TERF1: variants seen among roughly 807,000 people sequenced by gnomAD.
TERF1 encodes telomeric repeat-binding factor 1.
Under a neutral mutation model 55.1 loss-of-function variants are expected in TERF1, and 20 were observed. The ratio of observed to expected loss-of-function variants is 0.36; its 90% CI spans 0.26 to 0.53. TERF1 has a LOEUF of 0.53. Among genes scored for constraint, TERF1 ranks in the 20% least tolerant of loss-of-function variants. The pLI is 0.91. For missense variants in TERF1, 439 were observed against 535.7 expected (o/e 0.82, Z 1.78); for synonymous variants, 168 against 181.2 (o/e 0.93, Z 0.59).
chr8:73,045,935 A>G, intron 9 of TERF1, 26 bp from the exon 10 acceptor site: 5 of 1,467,278 alleles, frequency 3.4e-6, no homozygotes, highest in Non-Finnish European at 4.5e-6. Context: ...GTTTCTGTAA[A>G]TAACTGTTTT....
chr8:73,043,630 T>G (rs1809919272), intron 9 of TERF1, among the ~76,000 whole-genome samples: 1 of 152,210 alleles, frequency 6.6e-6, no homozygotes, highest in Non-Finnish European at 1.5e-5. Context: ...GTTTTGGCAG[T>G]GGCTTGCTGT....
intron 8 of TERF1, among the ~76,000 whole-genome samples, chr8:73,036,629 CAA>C (rs1260163776): frequency 2.0e-5 from 3 of 151,600 alleles, no homozygotes; most frequent in African/African-American, 7.3e-5. Context: ...CCAGAATTCT[CAA>C]ATGCTCAAGT....
intron 8 of TERF1, among the ~76,000 whole-genome samples, chr8:73,034,480 G>A (rs1809426348): frequency 6.6e-6 from 1 of 152,084 alleles, no homozygotes; most frequent in South Asian, 2.1e-4. Flanking sequence ...GCCCCTGCAG[G>A]TCTCTAACTC....
At chr8:73,029,683 T>C (rs1039586215) in intron 6 of TERF1, among the ~76,000 whole-genome samples, 2 of 152,216 alleles carry the variant, frequency 1.3e-5, no homozygotes, top group Non-Finnish European at 2.9e-5. Flanking sequence ...TCTAGATTAC[T>C]TAAAATATCT....
intron 8 of TERF1, among the ~76,000 whole-genome samples, chr8:73,036,664 CTT>C (rs1247619290): frequency 6.6e-6 from 1 of 151,630 alleles, no homozygotes; most frequent in East Asian, 1.9e-4. Flanking sequence ...ATGGCATAGT[CTT>C]TGCATATAGA....
intron 1 of TERF1, chr8:73,010,764 G>T (rs1466332953): frequency 2.0e-5 from 3 of 152,154 alleles, no homozygotes; most frequent in African/African-American, 4.8e-5. Context: ...AAAGAAGATT[G>T]GTTATTTCAC....
rs1295525921 is a variant in TERF1 at position 73,008,865 on chromosome 8, G to A, written c.-22G>A. 3.2e-6 allele frequency: 5 copies of A among 1,585,848 alleles called. No homozygotes were observed. The highest frequency in any genetic ancestry group is 2.7e-5 in the African/African-American group (2 of 74,700). On this transcript the variant is annotated 5_prime_UTR_variant, in exon 1 of 10. Coordinates refer to ENST00000276603, the MANE Select transcript of TERF1 (RefSeq NM_017489.3). ...TCGTTGCTCGGCGCCTGAAGGGGCA[G>A]TACCCAAGCGAGCCATTTAACATGG...
At chr8:73,019,511 A>G (rs1005719483) in intron 2 of TERF1, among the ~76,000 whole-genome samples, 3 of 152,172 alleles carry the variant, frequency 2.0e-5, no homozygotes, top group Non-Finnish European at 4.4e-5. Context: ...TTCTAAGAGT[A>G]TGCATCCAAC....
chr8:73,032,499 A>T (rs897918963), intron 8 of TERF1, among the ~76,000 whole-genome samples: 1 of 152,098 alleles, frequency 6.6e-6, no homozygotes, highest in Non-Finnish European at 1.5e-5. Context: ...GTGGCACTTG[A>T]TATTGGCATT....
rs918239028 is a variant in TERF1 at position 73,020,688 on chromosome 8, A to C, written c.420A>C (p.Ala140=). The C allele has an allele frequency of 6.3e-7, 1 of 1,592,712 alleles. No homozygotes were observed. The highest frequency in any genetic ancestry group is 1.8e-5 in the Admixed American group (1 of 55,244). The change falls in exon 3 of 10, where the codon GCA becomes GCC. Residue 140 remains alanine (A), a synonymous_variant. Transcript: ENST00000276603. The part of the protein sequence containing the change: ...TRIAAGKTLD[A]QFENDERITP... ...TTTTTGTTCTGTTTTTAAAAGATGC[A>C]CAGTTTGAAAATGATGAACGAATTA...
At chr8:73,042,384 T>C (rs1462079422) in intron 9 of TERF1, among the ~76,000 whole-genome samples, 1 of 152,206 alleles carries the variant, frequency 6.6e-6, no homozygotes, top group Non-Finnish European at 1.5e-5. Context: ...TTTTTTAGCT[T>C]TCCGTTGTTG....
intron 9 of TERF1, among the ~76,000 whole-genome samples, chr8:73,041,884 C>G (rs1183436554): frequency 6.6e-6 from 1 of 152,120 alleles, no homozygotes; most frequent in Non-Finnish European, 1.5e-5. Flanking sequence ...CACGGATCCT[C>G]CATCAGTTCC....
chr8:73,028,979 C>T (rs1809157349), intron 6 of TERF1, among the ~76,000 whole-genome samples: 2 of 152,122 alleles, frequency 1.3e-5, no homozygotes, highest in Admixed American at 6.6e-5. Flanking sequence ...ACTTGCTGTA[C>T]ACTAGTTACA....
chr8:73,018,019 A>G (rs879901930), intron 2 of TERF1, among the ~76,000 whole-genome samples: 7 of 152,090 alleles, frequency 4.6e-5, no homozygotes, highest in Non-Finnish European at 7.4e-5. Flanking sequence ...ATGCATCAAT[A>G]TTTTTCAAAA....
At chr8:73,026,905 TTCCTA>T in intron 5 of TERF1, 30 bp from the exon 6 acceptor site, 1 of 1,516,916 alleles carries the variant, frequency 6.6e-7, no homozygotes, top group Non-Finnish European at 9.1e-7. Context: ...AATGCATTTC[TTCCTA>T]TCCTTCTACC....
At chr8:73,017,548 C>T (rs1372625713) in intron 2 of TERF1, among the ~76,000 whole-genome samples, 1 of 152,162 alleles carries the variant, frequency 6.6e-6, no homozygotes, top group African/African-American at 2.4e-5. Context: ...TAGTTATCAT[C>T]TGTTTATCCT....
At chr8:73,015,752 A>C (rs924179642) in intron 2 of TERF1, among the ~76,000 whole-genome samples, 2 of 152,184 alleles carry the variant, frequency 1.3e-5, no homozygotes, top group Non-Finnish European at 2.9e-5. Flanking sequence ...GTTTGAGCCC[A>C]GGAGGTTGAG....
chr8:73,040,336 C>T (rs1462855920), intron 9 of TERF1, among the ~76,000 whole-genome samples: 1 of 152,152 alleles, frequency 6.6e-6, no homozygotes, highest in Non-Finnish European at 1.5e-5. Context: ...GATCTGTAGA[C>T]AGAGTTGCTT....
chr8:73,038,806 T>G (rs1033918071), intron 8 of TERF1: 30 of 883,654 alleles, frequency 3.4e-5, no homozygotes, highest in Admixed American at 5.9e-5. Flanking sequence ...GTAAGAAAAT[T>G]TCAACGATCC....
Sources: allele counts gnomAD v4.1 joint callset (sites outside exome capture counted in the v4.1 genomes callset), GRCh38; gene constraint gnomAD v4.1.1; transcripts MANE v1.5; gene names NCBI Gene and HGNC (gene_info 2026-07-23, HGNC 2026-07-21).